The following TTN variants were observed in gnomAD, a reference collection of about 807,000 sequenced individuals.
TTN encodes connectin.
TTN carries 1,525 observed loss-of-function variants against 3,223.0 expected under a neutral mutation model. The observed-to-expected ratio is 0.47, with a 90% CI of 0.45 to 0.49. The LOEUF (loss-of-function observed/expected upper bound fraction) is 0.49, where lower values mean the gene tolerates loss of function less well. TTN is among the 20% of genes least tolerant of loss of function. TTN has a pLI of 0.00. For synonymous variants in TTN, 14,094 were observed against 15,161.0 expected (o/e 0.93, Z 5.17); for missense variants, 40,786 against 43,424.0 (o/e 0.94, Z 5.40).
chr2:178,666,225 A>G (rs2065906468), intron 163 of TTN, among the ~76,000 whole-genome samples: 1 of 152,148 alleles, frequency 6.6e-6, no homozygotes, highest in Admixed American at 6.6e-5. Context: ...CTGAGAAAAA[A>G]TATCAAAATA....
In TTN at chr2:178,795,475, C is replaced by T. The variant is rs575932893; in HGVS notation, c.915-223G>A. 5.3e-5 allele frequency among the ~76,000 whole-genome samples: 8 copies of T among 151,314 alleles called. No individual in the cohort carries two copies. In the South Asian group the frequency reaches 1.7e-3, roughly 32 times the overall value. ...CCTGTAAGAGAATCAGCTTTAATTCCAAATAAGCTGGAGATTTTGTGCCTT... is the reference window on the plus strand; with the variant it reads ...CCTGTAAGAGAATCAGCTTTAATTCTAAATAAGCTGGAGATTTTGTGCCTT... On this transcript the variant is annotated intron_variant, in intron 6 of 362. Transcript: ENST00000589042.
chr2:178,611,608 T>G lies in TTN; in HGVS notation c.50621A>C (p.Lys16874Thr). Residue 16874 changes from lysine (K) to threonine (T), a missense_variant, in exon 269 of 363, where the codon AAG becomes ACG. By Grantham distance (78) the Lys-to-Thr change is moderately conservative (BLOSUM62 -1). Coordinates refer to ENST00000589042, the MANE Select transcript of TTN (RefSeq NM_001267550.2). ...ACTTCCACCATTTTTCTCTGGAGGCTTCCAAGCAATGGCAATGTGTTTTCT... is the reference window on the plus strand; with the variant it reads ...ACTTCCACCATTTTTCTCTGGAGGCGTCCAAGCAATGGCAATGTGTTTTCT... ...AGRKHIAIAW[K>T]PPEKNGGSPI... The G allele has an allele frequency of 1.9e-6, 3 of 1,613,050 alleles. No homozygotes were observed. The highest frequency in any genetic ancestry group is 1.7e-6 in the Non-Finnish European group (2 of 1,179,344).
In TTN at chr2:178,739,237, C is replaced by T. The variant is rs1361124171; in HGVS notation, c.13996G>A (p.Val4666Ile). 9.4e-6 allele frequency: 15 copies of T among 1,590,008 alleles called. No homozygotes were observed. Among genetic ancestry groups the T allele is most frequent in the Admixed American group, 1.7e-5 (1 of 58,926 alleles). ...TCTCCTTGATGGTCTTCGGTATTTA[C>T]TTTGTCGATGACTAGCGTATATGTA... is the stretch of plus-strand genomic sequence containing the variant. The part of the protein sequence containing the change: ...QNTYTLVIDK[V>I]NTEDHQGEYV... The change falls in exon 48 of 363, where the codon GTA becomes ATA. Residue 4666 changes from valine (V) to isoleucine (I), a missense_variant. Coordinates refer to ENST00000589042, the MANE Select transcript of TTN (RefSeq NM_001267550.2).
chr2:178,644,341 A>G, intron 218 of TTN: 1 of 431,630 alleles, frequency 2.3e-6, no homozygotes, highest in South Asian at 6.3e-5. Flanking sequence ...AAGATAGACC[A>G]TGTCTATACA....
chr2:178,551,502 A>T, intron 335 of TTN, 128 bp downstream of exon 335: 1 of 866,530 alleles, frequency 1.2e-6, no homozygotes. Context: ...CTTGCTTTAC[A>T]TGACCAGTTC....
chr2:178,576,724 A>T lies in TTN; in HGVS notation c.69520T>A (p.Tyr23174Asn). 2.5e-6 allele frequency: 4 copies of T among 1,613,446 alleles called. 1 individual carries two copies. The highest frequency in any genetic ancestry group is 2.5e-6 in the Non-Finnish European group (3 of 1,179,606). ...TTCTTTTCTCTCCTTTCTACATGATATCCTGTAATTTCGCTGCCACCATCA... is the reference window on the plus strand; with the variant it reads ...TTCTTTTCTCTCCTTTCTACATGATTTCCTGTAATTTCGCTGCCACCATCA... ...VDDGGSEITGYHVERREKKSL... is the reference protein window; with the variant it reads ...VDDGGSEITGNHVERREKKSL... The change falls in exon 325 of 363, where the codon TAT becomes AAT. Residue 23174 changes from tyrosine to asparagine, a missense_variant. Coordinates refer to ENST00000589042, the MANE Select transcript of TTN (RefSeq NM_001267550.2). This position sits in a 1 kb window ranked among gnomAD's most constrained non-coding sequence, Gnocchi z 4.3.
chr2:178,548,994 T>TC lies in TTN; in HGVS notation c.92631dup (p.Lys30878GlufsTer8), dbSNP rs886039145. On this transcript the variant is annotated frameshift_variant, in exon 339 of 363. Transcript: ENST00000589042. LOFTEE classifies it high-confidence loss of function. This position sits in a 1 kb window ranked among gnomAD's most constrained non-coding sequence, Gnocchi z 4.3. ...AGATCAGTGACTGTATATCTTGTTTTCACACATGCCTCTGCATTCACCTTG... is the reference window on the plus strand; with the variant it reads ...AGATCAGTGACTGTATATCTTGTTTTCCACACATGCCTCTGCATTCACCTTG... 6.2e-7 allele frequency: 1 copy of TC among 1,613,938 alleles called. No individual in the cohort carries two copies. The highest frequency in any genetic ancestry group is 8.5e-7 in the Non-Finnish European group (1 of 1,179,840).
At chr2:178,765,320 C>A (rs116046710) in intron 41 of TTN, among the ~76,000 whole-genome samples, 2 of 152,238 alleles carry the variant, frequency 1.3e-5, no homozygotes, top group East Asian at 1.9e-4. Flanking sequence ...TGAATTAACA[C>A]TATTTCAGAT....
chr2:178,783,971 G>A lies in TTN; in HGVS notation c.2775+99C>T, dbSNP rs2092984112. ...AAGTCTTAGTATGGCAAAGGAGAAA[G>A]GCAAGACTCCACTGGCTACTTTTCA... On this transcript the variant is annotated intron_variant, in intron 16 of 362. Transcript: ENST00000589042. 3.1e-6 allele frequency: 5 copies of A among 1,590,226 alleles called. No homozygotes were observed. The East Asian group carries it at 1.1e-4, about 36-fold the overall frequency.
rs373446383 is a variant in TTN at position 178,531,925 on chromosome 2, G to A, written c.104690C>T (p.Ser34897Leu). 49 of 1,612,898 alleles carry A rather than the reference G, an allele frequency of 3.0e-5. No individual in the cohort carries two copies. In the African/African-American group the frequency reaches 4.9e-4, roughly 16 times the overall value. ...PSPVSSERSL[S>L]RFERSARFDI... ...AAATCTTGCAGACCTCTCAAATCTC[G>A]AGAGTGATCTCTCACTAGACACAGG... Residue 34897 changes from serine (S) to leucine (L), a missense_variant, in exon 358 of 363, where the codon TCG (serine) becomes TTG (leucine). Transcript: ENST00000589042.
chr2:178,597,535 T>G lies in TTN; in HGVS notation c.57544+3A>C. On this transcript the variant is annotated splice_donor_region_variant and intron_variant, in intron 294 of 362. Coordinates refer to ENST00000589042, the MANE Select transcript of TTN (RefSeq NM_001267550.2). ...GTTGCACAGACAAATTGAAAGTATT[T>G]ACCTAATACATCAACAATAATTGTC... The G allele has an allele frequency of 6.2e-7, 1 of 1,608,188 alleles. No homozygotes were observed. Among genetic ancestry groups the G allele is most frequent in the Non-Finnish European group, 8.5e-7 (1 of 1,177,524 alleles).
In TTN at chr2:178,580,262, G is replaced by T. The variant is rs748488430; in HGVS notation, c.67058-33C>A. The T allele has an allele frequency of 1.0e-5, 16 of 1,605,832 alleles. No homozygotes were observed. In the Admixed American group the frequency reaches 1.4e-4, roughly 14 times the overall value. On this transcript the variant is annotated intron_variant, in intron 317 of 362. Transcript: ENST00000589042. ...AATAGTAGGTAAATAAGAAATGAAT[G>T]TGTAAAAAATACATAAGCTATTTTA...
Position 178,739,851 on chromosome 2 carries a change from T to C in TTN, c.13382A>G (p.Asp4461Gly). ...CAGGTTAGCCATTTGAGGATCAACA[T>C]CTTCAATAATGATGGTTACTTCTTC... ...VTEEVTIIIE[D>G]VDPQMANLKM... Residue 4461 changes from aspartate to glycine, a missense_variant, in exon 48 of 363, where the codon GAT becomes GGT. Coordinates refer to ENST00000589042, the MANE Select transcript of TTN (RefSeq NM_001267550.2). 1.2e-6 allele frequency: 2 copies of C among 1,613,906 alleles called. No individual in the cohort carries two copies. Among genetic ancestry groups the C allele is most frequent in the East Asian group, 4.5e-5 (2 of 44,862 alleles).
intron 358 of TTN, 23 bp downstream of exon 358, chr2:178,530,218 A>G: frequency 6.4e-7 from 1 of 1,564,936 alleles, no homozygotes; most frequent in Non-Finnish European, 8.6e-7. Flanking sequence ...GATAAAAGAA[A>G]GAGACATTTA....
chr2:178,532,141 G>T lies in TTN; in HGVS notation c.104474C>A (p.Ala34825Asp), dbSNP rs766157074. 5.0e-6 allele frequency: 8 copies of T among 1,613,760 alleles called. No homozygotes were observed. In the Admixed American group the frequency reaches 1.3e-4, roughly 27 times the overall value. Residue 34825 changes from alanine (A) to aspartate (D), a missense_variant, in exon 358 of 363, where the codon GCT becomes GAT. Coordinates refer to ENST00000589042, the MANE Select transcript of TTN (RefSeq NM_001267550.2). The part of the protein sequence containing the change: ...IEEEYEISKH[A>D]QRESSSSASR... ...CGCAGATGAGGATGATTCTCTTTGA[G>T]CATGTTTTGAGATTTCGTATTCTTC...
rs763631224 is a variant in TTN, at chr2:178,581,813, AAAT to A, written c.66464-12_66464-10del. On this transcript the variant is annotated splice_polypyrimidine_tract_variant and intron_variant, in intron 315 of 362. Coordinates refer to ENST00000589042, the MANE Select transcript of TTN (RefSeq NM_001267550.2). Reference sequence around the variant, plus strand: ...CGGTGGGCCAGGAGGATCTGAGAATAAATAATGATAGGAAATTTTCATGAAAAC... The same window carrying A: ...CGGTGGGCCAGGAGGATCTGAGAATAAATGATAGGAAATTTTCATGAAAAC... 1.1e-5 allele frequency: 17 copies of A among 1,593,896 alleles called. No homozygotes were observed. In the East Asian group the frequency reaches 3.4e-4, roughly 32 times the overall value.
rs376278449 is a variant in TTN at position 178,617,392 on chromosome 2, C to G, written c.47693G>C (p.Arg15898Pro). The change falls in exon 254 of 363, where the codon CGA becomes CCA. Residue 15898 changes from arginine (R) to proline (P), a missense_variant. Arg to Pro is a moderately radical substitution (Grantham distance 103, BLOSUM62 -2). Coordinates refer to ENST00000589042, the MANE Select transcript of TTN (RefSeq NM_001267550.2). The stretch of plus-strand genomic sequence containing the variant: ...CCAATTATCTTTTCCTTCTTCGCAT[C>G]GCTCAATTATATAGCCTAATATTGG... ...GSPILGYIIE[R>P]CEEGKDNWIR... 2 of 1,589,344 alleles carry G rather than the reference C, an allele frequency of 1.3e-6. No individual in the cohort carries two copies. Among genetic ancestry groups the G allele is most frequent in the Admixed American group, 3.7e-5 (2 of 54,724 alleles).
rs1057523375 is a variant in TTN at position 178,575,596 on chromosome 2, C to T, written c.70536G>A (p.Glu23512=). ...TTGGCTCACCAATTCCATATTCATT[C>T]TCTGCCATCACTCTGAAGAAATATT... is the stretch of plus-strand genomic sequence containing the variant. ...GCEYFFRVMA[E]NEYGIGEPTE... Residue 23512 remains glutamate (E), a synonymous_variant, in exon 326 of 363, where the codon GAG becomes GAA. Transcript: ENST00000589042. The surrounding 1 kb of genome is among the most constrained non-coding windows in gnomAD (Gnocchi z 4.0). 6.2e-7 allele frequency: 1 copy of T among 1,613,650 alleles called. No homozygotes were observed. The highest frequency in any genetic ancestry group is 8.5e-7 in the Non-Finnish European group (1 of 1,179,646).
chr2:178,571,529 A>C lies in TTN; in HGVS notation c.74603T>G (p.Ile24868Arg). 6.2e-7 allele frequency: 1 copy of C among 1,613,220 alleles called. No individual in the cohort carries two copies. Among genetic ancestry groups the C allele is most frequent in the Non-Finnish European group, 8.5e-7 (1 of 1,179,572 alleles). Residue 24868 changes from isoleucine to arginine, a missense_variant, in exon 326 of 363, where the codon ATA becomes AGA. Ile to Arg is a moderately conservative substitution (Grantham distance 97, BLOSUM62 -3). Coordinates refer to ENST00000589042, the MANE Select transcript of TTN (RefSeq NM_001267550.2). ...TCCAGTCTTCAGTCTGCAAGCCTTT[A>C]TTGTTGTCCTTGCAACTGTAGCTGA... ...IVSATVARTT[I>R]KACRLKTGCE...
Sources: allele counts gnomAD v4.1 joint callset (sites outside exome capture counted in the v4.1 genomes callset), GRCh38; gene constraint gnomAD v4.1.1; non-coding constraint Gnocchi (gnomAD v3.1); transcripts MANE v1.5; gene names NCBI Gene and HGNC (gene_info 2026-07-23, HGNC 2026-07-21).